Variants in UTP6 observed in about 807,000 individuals in gnomAD.
UTP6 encodes the protein UTP6 small subunit processome component.
A neutral mutation model predicts 96.5 loss-of-function variants in UTP6; 60 were observed. That is an observed-to-expected ratio of 0.62 (90% confidence interval 0.51 to 0.77). The LOEUF is 0.77. Ranked by LOEUF, UTP6 falls within the 30% of genes least tolerant of loss-of-function variation. The pLI is 0.00. For synonymous variants in UTP6, 215 were observed against 240.1 expected (o/e 0.90, Z 0.96); for missense variants, 637 against 706.5 (o/e 0.90, Z 1.12).
At chr17:31,892,103 A>G in intron 6 of UTP6, 157 bp downstream of exon 6, 1 of 670,956 alleles carries the variant, frequency 1.5e-6, no homozygotes, top group Non-Finnish European at 2.6e-6. Flanking sequence ...GCAGGGGTGA[A>G]CTATGAGGCA....
chr17:31,882,785 A>T (rs1011108143), intron 10 of UTP6, among the ~76,000 whole-genome samples: 9 of 149,934 alleles, frequency 6.0e-5, no homozygotes, highest in African/African-American at 1.5e-4. Context: ...GGCTAAAAAT[A>T]TTTTTTTTTT....
chr17:31,897,581 A>G (rs1388913437), intron 2 of UTP6, among the ~76,000 whole-genome samples: 3 of 150,804 alleles, frequency 2.0e-5, no homozygotes, highest in Non-Finnish European at 4.4e-5. Flanking sequence ...CTGAGTAGCT[A>G]GGATTACAGG....
Position 31,878,777 on chromosome 17 carries a change from G to A in UTP6, c.972C>T (p.Ala324=), listed in dbSNP as rs1252719866. ...AAAAGGTGATGTAACACTTCCACATGGCCTCTGGAAAAGTCAGAAAGATTG... is the reference window on the plus strand; with the variant it reads ...AAAAGGTGATGTAACACTTCCACATAGCCTCTGGAAAAGTCAGAAAGATTG... ...EEAVKTLPTE[A]MWKCYITFCL... The change falls in exon 12 of 19, where the codon GCC becomes GCT. Residue 324 remains alanine, a synonymous_variant. Transcript: ENST00000261708. The A allele has an allele frequency of 6.2e-7, 1 of 1,613,878 alleles. No individual in the cohort carries two copies. Among genetic ancestry groups the A allele is most frequent in the Non-Finnish European group, 8.5e-7 (1 of 1,179,926 alleles).
chr17:31,863,653 A>G, intron 18 of UTP6, 137 bp from the exon 19 acceptor site: 1 of 765,470 alleles, frequency 1.3e-6, no homozygotes, highest in Non-Finnish European at 2.1e-6. Context: ...GTTTAACAAT[A>G]CCTCTCTTAG....
intron 11 of UTP6, among the ~76,000 whole-genome samples, chr17:31,879,681 C>A (rs1403185069): frequency 6.6e-6 from 1 of 151,660 alleles, no homozygotes; most frequent in East Asian, 1.9e-4. Context: ...CAAAAAAAAA[C>A]ATAGATAATT....
intron 16 of UTP6, among the ~76,000 whole-genome samples, chr17:31,872,706 A>G (rs1910249677): frequency 1.3e-5 from 2 of 152,084 alleles, no homozygotes; most frequent in South Asian, 4.1e-4. Flanking sequence ...ACTTTTTGAA[A>G]AAGTTCACTG....
intron 2 of UTP6, among the ~76,000 whole-genome samples, chr17:31,896,462 C>G (rs1387444004): frequency 1.3e-5 from 2 of 152,034 alleles, no homozygotes; most frequent in African/African-American, 2.4e-5. Context: ...TGATGTTTCC[C>G]CTTTGTGACT....
At chr17:31,866,630 G>T (rs1338995673) in intron 17 of UTP6, 15 of 151,560 alleles carry the variant, frequency 9.9e-5, no homozygotes, top group African/African-American at 3.7e-4. Context: ...TACTCAGGAG[G>T]CTGAGGCAAG....
chr17:31,895,113 A>G, intron 2 of UTP6, 102 bp from the exon 3 acceptor site: 1 of 849,112 alleles, frequency 1.2e-6, no homozygotes, highest in Non-Finnish European at 1.8e-6. Context: ...TCGAGAATAT[A>G]AAATAAAAAA....
At chr17:31,882,834 G>T (rs1003722776) in intron 10 of UTP6, among the ~76,000 whole-genome samples, 5 of 151,886 alleles carry the variant, frequency 3.3e-5, no homozygotes, top group Non-Finnish European at 7.4e-5. Flanking sequence ...CACCCAGGCT[G>T]GGGTGCAGTG....
chr17:31,892,517 T>C (rs1003093369), intron 5 of UTP6, among the ~76,000 whole-genome samples, 194 bp from the exon 6 acceptor site: 1 of 152,202 alleles, frequency 6.6e-6, no homozygotes, highest in Non-Finnish European at 1.5e-5. Context: ...TTAAATATCT[T>C]TTTAAAAAGT....
At chr17:31,877,579 C>A (rs1387305577) in intron 13 of UTP6, among the ~76,000 whole-genome samples, 1 of 152,204 alleles carries the variant, frequency 6.6e-6, no homozygotes, top group Admixed American at 6.6e-5. Context: ...TGCCTGTAAT[C>A]TCAGCACTTT....
chr17:31,896,525 G>A (rs779837409), intron 2 of UTP6, among the ~76,000 whole-genome samples: 16 of 151,718 alleles, frequency 1.1e-4, no homozygotes, highest in South Asian at 2.1e-4. Context: ...TTTTCTTCTC[G>A]ATTTACAGTT....
Position 31,901,694 on chromosome 17 carries a change from T to A in UTP6, c.-67A>T. The A allele has an allele frequency of 2.0e-6, 3 of 1,530,550 alleles. No individual in the cohort carries two copies. Among genetic ancestry groups the A allele is most frequent in the Non-Finnish European group, 2.7e-6 (3 of 1,112,924 alleles). The allele number at this position is 1,530,550 out of a possible 1,614,324, so 94.8% of individuals were successfully genotyped here. On this transcript the variant is annotated 5_prime_UTR_variant, in exon 1 of 19. Transcript: ENST00000261708. Reference sequence around the variant, plus strand: ...CGAACACGAGCAGGAAGCTCCCGGTTTCAGGTTCGGAGACCCAGCCCTACC... The same window carrying A: ...CGAACACGAGCAGGAAGCTCCCGGTATCAGGTTCGGAGACCCAGCCCTACC...
chr17:31,889,495 A>ATTTTTTT, intron 6 of UTP6, 92 bp from the exon 7 acceptor site: 1 of 536,730 alleles, frequency 1.9e-6, no homozygotes, highest in Non-Finnish European at 3.0e-6. Flanking sequence ...TACTCGCACA[A>ATTTTTTT]TTTTTTTTTT....
chr17:31,865,519 A>G, intron 17 of UTP6, 81 bp from the exon 18 acceptor site: 1 of 1,366,164 alleles, frequency 7.3e-7, no homozygotes, highest in Middle Eastern at 1.8e-4. Flanking sequence ...TTAAGCAGCT[A>G]CTGTCTGTCA....
chr17:31,870,880 A>C (rs1400075159), intron 16 of UTP6, among the ~76,000 whole-genome samples: 3 of 151,982 alleles, frequency 2.0e-5, no homozygotes, highest in Non-Finnish European at 4.4e-5. Flanking sequence ...TACTAGCACA[A>C]ACACGGCTCA....
chr17:31,891,268 C>T lies in UTP6; in HGVS notation c.424+992G>A, dbSNP rs565738089. ...TGACCTTTCTAGGATCTGTAGAAGC[C>T]ATGCCCATCCATGGGGCTTCTAAAC... On this transcript the variant is annotated intron_variant, in intron 6 of 18. Coordinates refer to ENST00000261708, the MANE Select transcript of UTP6 (RefSeq NM_018428.3). 2.6e-5 allele frequency among the ~76,000 whole-genome samples: 4 copies of T among 152,272 alleles called. No individual in the cohort carries two copies. The East Asian group carries it at 7.7e-4, about 29-fold the overall frequency.
At chr17:31,868,752 T>A (rs1330427860) in intron 16 of UTP6, among the ~76,000 whole-genome samples, 1 of 152,162 alleles carries the variant, frequency 6.6e-6, no homozygotes, top group Non-Finnish European at 1.5e-5. Context: ...AGGAAATGAT[T>A]TCTAATATGG....
Sources: gnomAD v4.1 joint callset for allele counts (sites outside exome capture counted in the v4.1 genomes callset) on GRCh38, gnomAD v4.1.1 for gene constraint, MANE v1.5 for transcripts, NCBI Gene and HGNC (gene_info 2026-07-23, HGNC 2026-07-21) for gene names.